UPP2: variants seen among roughly 807,000 people sequenced by gnomAD.
The protein encoded by UPP2 is uridine phosphorylase 2.
UPP2 carries 23 observed loss-of-function variants against 26.7 expected under a neutral mutation model. That is an observed-to-expected ratio of 0.86 (90% CI 0.62 to 1.22). The LOEUF is 1.22. UPP2 is among the 50% of genes most tolerant of loss of function. The probability of loss-of-function intolerance (pLI) is 0.00; values close to 1 mark genes in which losing one functional copy is unlikely to be tolerated. For synonymous variants in UPP2, 127 were observed against 141.3 expected (o/e 0.90, Z 0.72); for missense variants, 387 against 396.7 (o/e 0.98, Z 0.21).
chr2:158,065,272 G>A (rs1457053235), intron 3 of UPP2, among the ~76,000 whole-genome samples: 1 of 152,172 alleles, frequency 6.6e-6, no homozygotes, highest in African/African-American at 2.4e-5. Flanking sequence ...GTGTTGAATT[G>A]AAACCCATAG....
intron 2 of UPP2, among the ~76,000 whole-genome samples, chr2:158,107,188 A>T (rs1252045214): frequency 3.3e-5 from 5 of 152,260 alleles, no homozygotes; most frequent in Non-Finnish European, 7.3e-5. Context: ...ATTTTTAAAG[A>T]ACTTTTGTTT....
chr2:158,120,123 A>G (rs1278394602), intron 4 of UPP2, among the ~76,000 whole-genome samples: 1 of 152,036 alleles, frequency 6.6e-6, no homozygotes, highest in East Asian at 1.9e-4. Flanking sequence ...GCATTTTGTA[A>G]TTAAGTCTAC....
At chr2:158,055,980 A>T (rs963809604) in intron 3 of UPP2, among the ~76,000 whole-genome samples, 2 of 152,190 alleles carry the variant, frequency 1.3e-5, no homozygotes, top group Non-Finnish European at 2.9e-5. Flanking sequence ...AACAAGACCT[A>T]AAAGATTCAC....
intron 2 of UPP2, among the ~76,000 whole-genome samples, chr2:157,998,134 T>A (rs1683350639): frequency 6.6e-6 from 1 of 152,132 alleles, no homozygotes; most frequent in Non-Finnish European, 1.5e-5. Flanking sequence ...GGTTTTAACA[T>A]CTTTCTTGGT....
rs555084336 is a variant in UPP2 at position 158,046,578 on chromosome 2, T to C, written c.147+30692T>C. Among the ~76,000 whole-genome samples, 179 of 152,328 alleles carry C rather than the reference T, an allele frequency of 1.2e-3. 1 individual carries two copies. Among genetic ancestry groups the C allele is most frequent in the Non-Finnish European group, 1.4e-3 (98 of 68,028 alleles). On this transcript the variant is annotated intron_variant, in intron 3 of 9. Coordinates refer to the UPP2 transcript ENST00000605860. ...CATCTAAAGGTAGATAAATTAATAG[T>C]CAATTCTTCACTAGTTTGCCTATGG...
intron 3 of UPP2, among the ~76,000 whole-genome samples, chr2:158,063,759 C>A (rs1231727812): frequency 6.6e-6 from 1 of 152,168 alleles, no homozygotes; most frequent in Non-Finnish European, 1.5e-5. Context: ...CCTCCACCCC[C>A]CGACAGGTCT....
chr2:158,018,184 A>G (rs1323349441), intron 3 of UPP2, among the ~76,000 whole-genome samples: 3 of 152,216 alleles, frequency 2.0e-5, no homozygotes, highest in Non-Finnish European at 4.4e-5. Context: ...TATCCAAAGG[A>G]CACTAGTTTT....
chr2:158,056,843 A>C (rs2105175434), intron 3 of UPP2, among the ~76,000 whole-genome samples: 1 of 152,306 alleles, frequency 6.6e-6, no homozygotes, highest in East Asian at 1.9e-4. Flanking sequence ...GAATGTCAAC[A>C]TATCTTTTTT....
chr2:158,031,526 T>A (rs547757040), intron 3 of UPP2, among the ~76,000 whole-genome samples: 1 of 152,280 alleles, frequency 6.6e-6, no homozygotes, highest in East Asian at 1.9e-4. Flanking sequence ...AGTGCAGAGA[T>A]CTGGGAAACC....
intron 3 of UPP2, among the ~76,000 whole-genome samples, chr2:158,083,182 T>G (rs1682755280): frequency 6.6e-6 from 1 of 152,118 alleles, no homozygotes; most frequent in Admixed American, 6.6e-5. Flanking sequence ...GAAATACCAT[T>G]TGACCCAGCA....
chr2:158,096,396 C>G (rs200326319), intron 3 of UPP2, among the ~76,000 whole-genome samples: 1 of 152,054 alleles, frequency 6.6e-6, no homozygotes, highest in Non-Finnish European at 1.5e-5. Context: ...GTCAGGAGTT[C>G]GAGACCAGCC....
In UPP2 at chr2:158,013,307, T is replaced by C. The variant is rs576934782; in HGVS notation, c.62-2494T>C. On this transcript the variant is annotated intron_variant, in intron 2 of 9. Transcript: ENST00000605860. ...CATCACACCTGGCCAATAATTCTTT[T>C]TCATGAATTTTAATGCACATATCCA... 5.3e-5 allele frequency among the ~76,000 whole-genome samples: 8 copies of C among 152,290 alleles called. No homozygotes were observed. The South Asian group carries it at 1.0e-3, about 20-fold the overall frequency.
At chr2:158,084,174 A>T (rs1379382200) in intron 3 of UPP2, among the ~76,000 whole-genome samples, 1 of 151,718 alleles carries the variant, frequency 6.6e-6, no homozygotes, top group African/African-American at 2.4e-5. Context: ...AACATTTATT[A>T]TTTTTTTATT....
At chr2:158,091,290 T>C (rs1343089965) in intron 3 of UPP2, among the ~76,000 whole-genome samples, 1 of 151,998 alleles carries the variant, frequency 6.6e-6, no homozygotes, top group Non-Finnish European at 1.5e-5. Context: ...ATAGGTAAAA[T>C]GAGGAAACAC....
intron 2 of UPP2, among the ~76,000 whole-genome samples, chr2:158,114,190 T>C (rs1683375675): frequency 6.6e-6 from 1 of 152,204 alleles, no homozygotes; most frequent in Non-Finnish European, 1.5e-5. Flanking sequence ...CTCTGCATTT[T>C]CCTCACCACT....
chr2:158,094,361 A>G (rs1441951939), intron 3 of UPP2, among the ~76,000 whole-genome samples: 1 of 152,200 alleles, frequency 6.6e-6, no homozygotes, highest in Admixed American at 6.5e-5. Flanking sequence ...AAAAATTTTA[A>G]CTATAGTAAC....
At chr2:158,112,908 T>G (rs961842395) in intron 2 of UPP2, among the ~76,000 whole-genome samples, 4 of 152,218 alleles carry the variant, frequency 2.6e-5, no homozygotes, top group Non-Finnish European at 5.9e-5. Context: ...CTTCCCAGTG[T>G]GTTTCTAACT....
At position 158,123,847 on chromosome 2, in the gene UPP2, A is replaced by G; in HGVS notation, c.763A>G (p.Met255Val). 6.2e-7 allele frequency: 1 copy of G among 1,614,072 alleles called. No individual in the cohort carries two copies. Among genetic ancestry groups the G allele is most frequent in the Non-Finnish European group, 8.5e-7 (1 of 1,179,934 alleles). ...AFKAGVRNIE[M>V]ESTVFAAMCG... ...TAAAGCTGGTGTCAGGAATATTGAA[A>G]TGGAATCTACAGTGTTTGCAGCTAT... Residue 255 changes from methionine to valine, a missense_variant, in exon 6 of 7, where the codon ATG becomes GTG. Transcript: ENST00000005756.
chr2:158,049,554 T>G (rs116035435), intron 3 of UPP2, among the ~76,000 whole-genome samples: 1,983 of 152,284 alleles, frequency 0.013, 45 homozygotes, highest in African/African-American at 0.045. Context: ...TCTTTTCATT[T>G]TAGGGGTAAT....
Sources: gnomAD v4.1 joint callset for allele counts (sites outside exome capture counted in the v4.1 genomes callset) on GRCh38, gnomAD v4.1.1 for gene constraint, MANE v1.5 for transcripts, NCBI Gene and HGNC (gene_info 2026-07-23, HGNC 2026-07-21) for gene names.